Variants in SHISA6 observed in about 807,000 individuals in gnomAD.
SHISA6 encodes shisa family member 6, also known as protein shisa-6.
Under a neutral mutation model 47.9 loss-of-function variants are expected in SHISA6, and 22 were observed. That is an observed-to-expected ratio of 0.46 (90% confidence interval 0.33 to 0.66). The LOEUF is 0.66. Ranked by LOEUF, SHISA6 falls within the 30% of genes least tolerant of loss-of-function variation. The pLI is 0.02. For missense variants in SHISA6, 680 were observed against 764.6 expected (o/e 0.89, Z 1.30); for synonymous variants, 388 against 337.8 (o/e 1.15, Z -1.63).
chr17:11,349,977 T>C (rs1018654809), intron 2 of SHISA6, among the ~76,000 whole-genome samples: 1 of 151,930 alleles, frequency 6.6e-6, no homozygotes, highest in South Asian at 2.1e-4. Context: ...AAACATCCTC[T>C]GCTTATCTGG....
chr17:11,416,694 G>C (rs1035943971), intron 3 of SHISA6, among the ~76,000 whole-genome samples: 3 of 152,242 alleles, frequency 2.0e-5, no homozygotes, highest in African/African-American at 7.2e-5. Context: ...TATTCTTTAT[G>C]TATATTGACT....
In SHISA6 at chr17:11,241,405, C is replaced by A; in HGVS notation, c.-18C>A. 1 of 1,119,290 alleles carries A rather than the reference C, an allele frequency of 8.9e-7. No individual in the cohort carries two copies. The highest frequency in any genetic ancestry group is 2.5e-5 in the South Asian group (1 of 40,804). 69.3% of individuals were successfully genotyped at this position (1,119,290 alleles called of 1,614,324 possible). A position where few individuals can be genotyped will look rare whatever the true frequency, so the allele number is the denominator to read the frequency against. On this transcript the variant is annotated 5_prime_UTR_variant, in exon 1 of 6. Transcript: ENST00000441885. This position sits in a 1 kb window ranked among gnomAD's most constrained non-coding sequence, Gnocchi z 5.5. Reference sequence around the variant, plus strand: ...CCTGCCGCGGAAGCCTCCCCGCGCCCTCCCGCCCGGCCCCGCCATGGCGCT... The same window carrying A: ...CCTGCCGCGGAAGCCTCCCCGCGCCATCCCGCCCGGCCCCGCCATGGCGCT...
chr17:11,507,768 G>A (rs902080505), intron 3 of SHISA6, among the ~76,000 whole-genome samples: 3 of 152,196 alleles, frequency 2.0e-5, no homozygotes, highest in Non-Finnish European at 4.4e-5. Context: ...TAACTTGAAA[G>A]TATCTCTCTC....
At chr17:11,459,596 T>C (rs1418212068) in intron 3 of SHISA6, among the ~76,000 whole-genome samples, 1 of 152,214 alleles carries the variant, frequency 6.6e-6, no homozygotes, top group Admixed American at 6.5e-5. Flanking sequence ...TTAGGTTTTA[T>C]GTGCTGTTTA....
At chr17:11,306,015 G>A (rs570225693) in intron 2 of SHISA6, among the ~76,000 whole-genome samples, 5 of 152,216 alleles carry the variant, frequency 3.3e-5, no homozygotes, top group South Asian at 2.1e-4. Flanking sequence ...ATCTGCCACC[G>A]TGCCCCAAAG....
chr17:11,519,139 G>A (rs2071608628), intron 3 of SHISA6, among the ~76,000 whole-genome samples: 1 of 152,084 alleles, frequency 6.6e-6, no homozygotes, highest in African/African-American at 2.4e-5. Flanking sequence ...GCTGCCAAAG[G>A]TGCTCTAGTT....
chr17:11,542,600 A>G (rs1425039899), intron 3 of SHISA6, among the ~76,000 whole-genome samples: 4 of 152,168 alleles, frequency 2.6e-5, no homozygotes, highest in Non-Finnish European at 5.9e-5. Flanking sequence ...TATTCAAGAC[A>G]TCTTATAGAA....
At chr17:11,286,000 C>T (rs1249670533) in intron 2 of SHISA6, among the ~76,000 whole-genome samples, 1 of 152,018 alleles carries the variant, frequency 6.6e-6, no homozygotes, top group Non-Finnish European at 1.5e-5. Context: ...CCACGCCTGG[C>T]TAATATTTTG....
chr17:11,269,923 G>T (rs370621210), intron 2 of SHISA6, among the ~76,000 whole-genome samples: 1 of 152,108 alleles, frequency 6.6e-6, no homozygotes, highest in African/African-American at 2.4e-5. Flanking sequence ...AGCCACATGC[G>T]ACTGTTGAGC....
At chr17:11,409,816 A>C (rs1597499060) in intron 3 of SHISA6, among the ~76,000 whole-genome samples, 1 of 152,280 alleles carries the variant, frequency 6.6e-6, no homozygotes, top group South Asian at 2.1e-4. Flanking sequence ...ACAAAGGATC[A>C]GTGTTCCAGG....
chr17:11,280,076 AT>A (rs1189089981), intron 2 of SHISA6, among the ~76,000 whole-genome samples: 1 of 152,228 alleles, frequency 6.6e-6, no homozygotes, highest in Non-Finnish European at 1.5e-5. Context: ...ATGTTTTCCT[AT>A]GTAAACATTC....
chr17:11,490,234 C>T (rs1246851485), intron 3 of SHISA6, among the ~76,000 whole-genome samples: 1 of 151,926 alleles, frequency 6.6e-6, no homozygotes, highest in Non-Finnish European at 1.5e-5. Context: ...GCAGAGTACC[C>T]GAGAAGGTGG....
At chr17:11,292,033 C>G (rs1909568576) in intron 2 of SHISA6, among the ~76,000 whole-genome samples, 1 of 152,138 alleles carries the variant, frequency 6.6e-6, no homozygotes, top group Non-Finnish European at 1.5e-5. Context: ...TGTGAGAACA[C>G]TGAAAGTCTA....
chr17:11,382,163 C>T (rs1913033413), intron 3 of SHISA6, among the ~76,000 whole-genome samples: 1 of 152,072 alleles, frequency 6.6e-6, no homozygotes, highest in African/African-American at 2.4e-5. Context: ...ACCTCGAACT[C>T]CTGGGCTCAA....
At chr17:11,508,199 CA>C (rs1367753916) in intron 3 of SHISA6, among the ~76,000 whole-genome samples, 2 of 152,246 alleles carry the variant, frequency 1.3e-5, no homozygotes, top group African/African-American at 2.4e-5. Context: ...CTGTCTTAGT[CA>C]TTCGTGCTGC....
chr17:11,503,656 C>CT (rs752287547), intron 3 of SHISA6, among the ~76,000 whole-genome samples: 6 of 152,172 alleles, frequency 3.9e-5, no homozygotes, highest in Non-Finnish European at 8.8e-5. Flanking sequence ...TTCCCTAGAC[C>CT]TTTTGCCCCT....
At chr17:11,277,280 TCACACACACACACACA>T (rs113287260) in intron 2 of SHISA6, among the ~76,000 whole-genome samples, 1 of 53,864 alleles carries the variant, frequency 1.9e-5, no homozygotes, top group Non-Finnish European at 3.4e-5. Context: ...TCTCTCTCTC[TCACACACACACACACA>T]CACACACACA....
chr17:11,303,515 G>A (rs996426507), intron 2 of SHISA6, among the ~76,000 whole-genome samples: 1 of 152,086 alleles, frequency 6.6e-6, no homozygotes, highest in Admixed American at 6.5e-5. Flanking sequence ...GCATGGTTGA[G>A]TGTGTGATTG....
rs533319037 is a variant in SHISA6 at position 11,504,184 on chromosome 17, G to A, written c.896-47712G>A. On this transcript the variant is annotated intron_variant, in intron 3 of 5. Transcript: ENST00000441885. ...AAGTGCTTGTATATGAGGAGGAAGA[G>A]GGAAGGCTGGCTTCATGGGCTTTGC... 2.6e-5 allele frequency among the ~76,000 whole-genome samples: 4 copies of A among 152,280 alleles called. No homozygotes were observed. The East Asian group carries it at 7.7e-4, about 29-fold the overall frequency.
Sources: allele counts gnomAD v4.1 joint callset (sites outside exome capture counted in the v4.1 genomes callset), GRCh38; gene constraint gnomAD v4.1.1; non-coding constraint Gnocchi (gnomAD v3.1); transcripts MANE v1.5; gene names NCBI Gene and HGNC (gene_info 2026-07-23, HGNC 2026-07-21).